The following SLC14A2 variants were observed in gnomAD, a reference collection of about 807,000 sequenced individuals.
The protein encoded by SLC14A2 is urea transporter 2.
Under a neutral mutation model 104.6 loss-of-function variants are expected in SLC14A2, and 91 were observed. The observed-to-expected ratio is 0.87, with a 90% confidence interval of 0.73 to 1.04. The LOEUF is 1.04. SLC14A2 is among the 50% of genes least tolerant of loss of function. The pLI is 0.00. For missense variants in SLC14A2, 1,189 were observed against 1,156.0 expected (o/e 1.03, Z -0.41); for synonymous variants, 476 against 466.4 (o/e 1.02, Z -0.27).
chr18:45,682,528 G>A lies in SLC14A2; in HGVS notation c.*9G>A, dbSNP rs2046326762. 6.2e-7 allele frequency: 1 copy of A among 1,610,366 alleles called. No homozygotes were observed. Among genetic ancestry groups the A allele is most frequent in the Non-Finnish European group, 8.5e-7 (1 of 1,176,582 alleles). On this transcript the variant is annotated 3_prime_UTR_variant, in exon 20 of 20. Transcript: ENST00000255226. ...CCTACGATGTCTCCTAAGTTTCCCTGTCTAAAACACATCAGTGTAAATTCA... is the reference window on the plus strand; with the variant it reads ...CCTACGATGTCTCCTAAGTTTCCCTATCTAAAACACATCAGTGTAAATTCA...
chr18:45,625,698 A>G lies in SLC14A2; in HGVS notation c.166A>G (p.Asn56Asp), dbSNP rs137958949. Reference sequence around the variant, plus strand: ...CTCCTAAAAGGATCTCCGGTCTTCCAATGAAGACAGTCACATTGTGAAGAT... The same window carrying G: ...CTCCTAAAAGGATCTCCGGTCTTCCGATGAAGACAGTCACATTGTGAAGAT... ...MPEEKDLRSS[N>D]EDSHIVKIEK... Residue 56 changes from asparagine (N) to aspartate (D), a missense_variant, in exon 3 of 20, where the codon AAT becomes GAT. Coordinates refer to ENST00000255226, the MANE Select transcript of SLC14A2 (RefSeq NM_007163.4). The G allele has an allele frequency of 1.4e-5, 22 of 1,553,032 alleles. No homozygotes were observed. The African/African-American group carries it at 2.3e-4, about 16-fold the overall frequency.
intron 2 of SLC14A2, among the ~76,000 whole-genome samples, chr18:45,535,134 A>T (rs79257483): frequency 0.013 from 2,014 of 152,282 alleles, 20 homozygotes; most frequent in Non-Finnish European, 0.023. Context: ...GATCTTTCCA[A>T]AACGTCAGAT....
Position 45,628,628 on chromosome 18 carries a change from T to C in SLC14A2, c.521+1481T>C, listed in dbSNP as rs550578378. Among the ~76,000 whole-genome samples the C allele has an allele frequency of 2.0e-5, 3 of 152,246 alleles. 1 individual carries two copies. Among genetic ancestry groups the C allele is most frequent in the African/African-American group, 7.2e-5 (3 of 41,562 alleles). On this transcript the variant is annotated intron_variant, in intron 4 of 19. Transcript: ENST00000255226. ...TATCCCCTATCTTAGTGTTTTTCAA[T>C]TTGGGGATCACCAAGCCATTTCCAG...
chr18:45,520,905 A>G (rs982170472), intron 2 of SLC14A2, among the ~76,000 whole-genome samples: 3 of 152,202 alleles, frequency 2.0e-5, no homozygotes, highest in African/African-American at 7.2e-5. Context: ...ATTATGACCG[A>G]AAGTCTGCAC....
chr18:45,350,114 G>A (rs1344448678), intron 1 of SLC14A2, among the ~76,000 whole-genome samples: 1 of 152,248 alleles, frequency 6.6e-6, no homozygotes, highest in African/African-American at 2.4e-5. Context: ...ATGGTCCAGT[G>A]AGTGAGACTG....
chr18:45,544,402 T>A (rs2043935775), intron 2 of SLC14A2, among the ~76,000 whole-genome samples: 4 of 152,220 alleles, frequency 2.6e-5, no homozygotes, highest in Admixed American at 1.3e-4. Flanking sequence ...TCATTAAGTG[T>A]CTATATAACC....
At chr18:45,360,775 T>C (rs1357693348) in intron 1 of SLC14A2, among the ~76,000 whole-genome samples, 1 of 152,232 alleles carries the variant, frequency 6.6e-6, no homozygotes, top group Non-Finnish European at 1.5e-5. Flanking sequence ...AAAAATATGC[T>C]ACAGAGAGAA....
intron 1 of SLC14A2, among the ~76,000 whole-genome samples, chr18:45,272,244 A>G (rs1287106929): frequency 6.6e-6 from 1 of 152,248 alleles, no homozygotes; most frequent in Admixed American, 6.5e-5. Flanking sequence ...ACTGCTGGGT[A>G]TATATCCAAA....
chr18:45,441,674 G>A (rs542722738), intron 1 of SLC14A2, among the ~76,000 whole-genome samples: 1 of 152,320 alleles, frequency 6.6e-6, no homozygotes, highest in East Asian at 1.9e-4. Flanking sequence ...ATGCCAGAGG[G>A]CAAGGAGGTA....
rs370387156 is a variant in SLC14A2 at position 45,644,239 on chromosome 18, T to C, written c.1351+79T>C. 12 of 1,438,568 alleles carry C rather than the reference T, an allele frequency of 8.3e-6. No homozygotes were observed. The African/African-American group carries it at 1.5e-4, about 18-fold the overall frequency. The allele number at this position is 1,438,568 out of a possible 1,614,324, so 89.1% of individuals were successfully genotyped here. A position where few individuals can be genotyped will look rare whatever the true frequency, so the allele number is the denominator to read the frequency against. ...CCCTGTGTTCTCTGCTCTGGTTCAA[T>C]CAGTTGCAGCACTCACCTTCTTTGC... On this transcript the variant is annotated intron_variant, in intron 10 of 19. Coordinates refer to ENST00000255226, the MANE Select transcript of SLC14A2 (RefSeq NM_007163.4).
intron 1 of SLC14A2, among the ~76,000 whole-genome samples, chr18:45,385,811 T>C (rs1433781795): frequency 1.3e-5 from 2 of 152,144 alleles, no homozygotes; most frequent in African/African-American, 4.8e-5. Flanking sequence ...GCAATACAGA[T>C]GTTAGGGTAT....
intron 1 of SLC14A2, among the ~76,000 whole-genome samples, chr18:45,414,705 G>A (rs78869072): frequency 0.027 from 3,830 of 139,338 alleles, 123 homozygotes; most frequent in South Asian, 0.086. Context: ...GATACAGTGG[G>A]CCTTTTCACA....
intron 1 of SLC14A2, among the ~76,000 whole-genome samples, chr18:45,374,870 C>A (rs2085757655): frequency 6.6e-6 from 1 of 152,164 alleles, no homozygotes; most frequent in Non-Finnish European, 1.5e-5. Context: ...TGATCCCAAA[C>A]AAGGTGGCCA....
At chr18:45,443,638 T>TTC (rs1325558150) in intron 1 of SLC14A2, among the ~76,000 whole-genome samples, 2 of 151,512 alleles carry the variant, frequency 1.3e-5, no homozygotes, top group Non-Finnish European at 2.9e-5. Flanking sequence ...GGAAATGGAG[T>TTC]TCTAGTTTCT....
At chr18:45,534,456 T>C (rs1193421768) in intron 2 of SLC14A2, among the ~76,000 whole-genome samples, 1 of 152,212 alleles carries the variant, frequency 6.6e-6, no homozygotes, top group Non-Finnish European at 1.5e-5. Context: ...GTGGTTTTTC[T>C]ACTATACTGT....
At chr18:45,241,713 G>A (rs942218827) in intron 1 of SLC14A2, among the ~76,000 whole-genome samples, 5 of 141,568 alleles carry the variant, frequency 3.5e-5, no homozygotes, top group African/African-American at 1.1e-4. Context: ...GCACAATCTC[G>A]GCTCACAGCA....
intron 1 of SLC14A2, among the ~76,000 whole-genome samples, chr18:45,334,173 T>C (rs1411940093): frequency 3.3e-5 from 5 of 152,144 alleles, no homozygotes; most frequent in African/African-American, 1.2e-4. Context: ...ATAGAAGAAA[T>C]TATATAAAAA....
At chr18:45,539,318 G>A (rs1446247572) in intron 2 of SLC14A2, among the ~76,000 whole-genome samples, 1 of 152,198 alleles carries the variant, frequency 6.6e-6, no homozygotes, top group African/African-American at 2.4e-5. Flanking sequence ...CCTGGGCTTA[G>A]GTTATGTCTA....
intron 1 of SLC14A2, among the ~76,000 whole-genome samples, chr18:45,621,078 GC>G (rs2045159088): frequency 6.6e-6 from 1 of 152,146 alleles, no homozygotes; most frequent in Non-Finnish European, 1.5e-5. Context: ...ATATCTGATT[GC>G]CCCTGCTTAC....
Sources: gnomAD v4.1 joint callset for allele counts (sites outside exome capture counted in the v4.1 genomes callset) on GRCh38, gnomAD v4.1.1 for gene constraint, MANE v1.5 for transcripts, NCBI Gene and HGNC (gene_info 2026-07-23, HGNC 2026-07-21) for gene names.